Variants in KATNBL1 observed in about 807,000 individuals in gnomAD.
KATNBL1 encodes the protein katanin regulatory subunit B1 like 1, also known as KATNB1-like protein 1.
Under a neutral mutation model 44.7 loss-of-function variants are expected in KATNBL1, and 28 were observed. That is an observed-to-expected ratio of 0.63 (90% CI 0.46 to 0.86). KATNBL1 has a LOEUF of 0.86. Ranked by LOEUF, KATNBL1 falls within the 40% of genes least tolerant of loss-of-function variation. The pLI is 0.00. For synonymous variants in KATNBL1, 78 were observed against 114.9 expected (o/e 0.68, Z 2.06); for missense variants, 272 against 350.7 (o/e 0.78, Z 1.79).
At chr15:34,156,702 G>C (rs1164842647) in intron 2 of KATNBL1, among the ~76,000 whole-genome samples, 1 of 152,150 alleles carries the variant, frequency 6.6e-6, no homozygotes, top group Non-Finnish European at 1.5e-5. Flanking sequence ...GATAGGGTCT[G>C]CTCCTGAAAC....
intron 1 of KATNBL1, among the ~76,000 whole-genome samples, chr15:34,191,005 G>A (rs1889855665): frequency 1.3e-5 from 2 of 151,748 alleles, no homozygotes; most frequent in Admixed American, 1.3e-4. Flanking sequence ...AGACACTTCA[G>A]GACTATATCA....
intron 1 of KATNBL1, among the ~76,000 whole-genome samples, chr15:34,195,114 T>C (rs1889994560): frequency 2.0e-5 from 3 of 151,962 alleles, no homozygotes; most frequent in Non-Finnish European, 4.4e-5. Context: ...CAAAGGAAAA[T>C]AAATCATTAT....
chr15:34,148,564 G>C lies in KATNBL1; in HGVS notation c.557+68C>G, dbSNP rs902574728. 3 of 917,994 alleles carry C rather than the reference G, an allele frequency of 3.3e-6. No individual in the cohort carries two copies. In the African/African-American group the frequency reaches 4.9e-5, roughly 15 times the overall value. 56.9% of individuals were successfully genotyped at this position (917,994 alleles called of 1,614,324 possible). On this transcript the variant is annotated intron_variant, in intron 5 of 9. Transcript: ENST00000256544. ...GATTGTGCCACTGTACTCCAACTTG[G>C]ATGACAAAGCAAGAACTTGTCTCAG... is the stretch of plus-strand genomic sequence containing the variant.
intron 1 of KATNBL1, among the ~76,000 whole-genome samples, chr15:34,203,209 A>G (rs1406062254): frequency 1.3e-5 from 2 of 152,004 alleles, no homozygotes; most frequent in African/African-American, 2.4e-5. Context: ...CCTCCTTCCA[A>G]TTTCTCAAGC....
intron 1 of KATNBL1, among the ~76,000 whole-genome samples, chr15:34,175,576 G>T (rs1285768924): frequency 3.9e-5 from 6 of 152,106 alleles, no homozygotes; most frequent in Non-Finnish European, 8.8e-5. Flanking sequence ...GACACCATTA[G>T]TCATTATAAA....
intron 1 of KATNBL1, among the ~76,000 whole-genome samples, chr15:34,208,244 C>G (rs1890344914): frequency 6.6e-6 from 1 of 152,112 alleles, no homozygotes; most frequent in Non-Finnish European, 1.5e-5. Flanking sequence ...ATCCTTCATC[C>G]CCCTCCCACT....
At chr15:34,203,431 T>C (rs1028094077) in intron 1 of KATNBL1, among the ~76,000 whole-genome samples, 1 of 152,178 alleles carries the variant, frequency 6.6e-6, no homozygotes, top group African/African-American at 2.4e-5. Flanking sequence ...CATTTCAAAC[T>C]TATTTCCATT....
chr15:34,141,659 T>G lies in KATNBL1; in HGVS notation c.*680A>C, dbSNP rs1236904684. ...GTTTTAAAAATGGTGCAGAGAGTGTTTCAAGAACACTCTACAAGAATGTAA... is the reference window on the plus strand; with the variant it reads ...GTTTTAAAAATGGTGCAGAGAGTGTGTCAAGAACACTCTACAAGAATGTAA... On this transcript the variant is annotated 3_prime_UTR_variant, in exon 10 of 10. Transcript: ENST00000256544. 6.6e-6 allele frequency: 1 copy of G among 152,566 alleles called. No individual in the cohort carries two copies. The highest frequency in any genetic ancestry group is 1.5e-5 in the Non-Finnish European group (1 of 67,984). The allele number at this position is 152,566 out of a possible 1,614,324, so 9.5% of individuals were successfully genotyped here. A position where few individuals can be genotyped will look rare whatever the true frequency, so the allele number is the denominator to read the frequency against.
At chr15:34,178,809 T>A (rs1293415133) in intron 1 of KATNBL1, among the ~76,000 whole-genome samples, 3 of 146,404 alleles carry the variant, frequency 2.0e-5, no homozygotes, top group Non-Finnish European at 3.0e-5. Flanking sequence ...GAAGAGAAGG[T>A]AAACATGAGA....
In KATNBL1 at chr15:34,147,260, A is replaced by G. The variant is rs1597423576; in HGVS notation, c.638T>C (p.Leu213Pro). The change falls in exon 7 of 10, where the codon CTT becomes CCT. Residue 213 changes from leucine (L) to proline (P), a missense_variant. Leu to Pro is a moderately conservative substitution (Grantham distance 98). Coordinates refer to ENST00000256544, the MANE Select transcript of KATNBL1 (RefSeq NM_024713.3). ...CLQEEKQYIS[L>P]GCCVDLLPLV... ...AGGCAACAAGTCAACACAGCAGCCA[A>G]GTGAGATATATTGTTTTTCTTCCTG... The G allele has an allele frequency of 3.7e-6, 6 of 1,613,078 alleles. No individual in the cohort carries two copies. Among genetic ancestry groups the G allele is most frequent in the Middle Eastern group, 1.7e-4 (1 of 5,834 alleles).
chr15:34,172,754 GACACAGAC>G (rs1889205618), intron 1 of KATNBL1, among the ~76,000 whole-genome samples: 2 of 81,626 alleles, frequency 2.5e-5, no homozygotes, highest in Non-Finnish European at 2.4e-5. Flanking sequence ...TAGACACACA[GACACAGAC>G]ACACACACAC....
At chr15:34,162,944 G>C (rs1567523092) in intron 2 of KATNBL1, among the ~76,000 whole-genome samples, 1 of 151,630 alleles carries the variant, frequency 6.6e-6, no homozygotes, top group Non-Finnish European at 1.5e-5. Context: ...GTATACCAGT[G>C]CTAATGAACC....
chr15:34,182,051 TA>T (rs1889583814), intron 1 of KATNBL1, among the ~76,000 whole-genome samples: 1 of 151,572 alleles, frequency 6.6e-6, no homozygotes, highest in South Asian at 2.1e-4. Context: ...AATAAAGGCA[TA>T]AAAAGATTAA....
rs369345641 is a variant in KATNBL1, at chr15:34,180,045, A to G, written c.-14-16355T>C. Among the ~76,000 whole-genome samples, 3 of 152,040 alleles carry G rather than the reference A, an allele frequency of 2.0e-5. No individual in the cohort carries two copies. In the East Asian group the frequency reaches 5.8e-4, roughly 29 times the overall value. ...TAATTTTCTCAGTTCTTGCTTTCTC[A>G]CCTCAATTTGGACTTTGCTCCCACA... On this transcript the variant is annotated intron_variant, in intron 1 of 9. Transcript: ENST00000256544.
chr15:34,165,672 G>A (rs1888946030), intron 1 of KATNBL1, among the ~76,000 whole-genome samples: 1 of 152,102 alleles, frequency 6.6e-6, no homozygotes, highest in Non-Finnish European at 1.5e-5. Context: ...GGTGGGACCT[G>A]TAATCCCAGC....
chr15:34,154,527 CTGTT>C (rs1277029161), intron 3 of KATNBL1, 113 bp downstream of exon 3: 23 of 715,440 alleles, frequency 3.2e-5, no homozygotes, highest in Non-Finnish European at 5.0e-6. Context: ...CATAAAGAAG[CTGTT>C]TGACAATAAG....
intron 5 of KATNBL1, 105 bp downstream of exon 5, chr15:34,148,527 G>T: frequency 1.5e-6 from 1 of 651,574 alleles, no homozygotes; most frequent in Non-Finnish European, 2.8e-6. Context: ...GGTTGAGGCT[G>T]CAGTGAGCCA....
chr15:34,170,021 A>T (rs1364881486), intron 1 of KATNBL1, among the ~76,000 whole-genome samples: 1 of 152,196 alleles, frequency 6.6e-6, no homozygotes, highest in Non-Finnish European at 1.5e-5. Flanking sequence ...CCCTTTGAAA[A>T]CTGGCACAAG....
intron 1 of KATNBL1, among the ~76,000 whole-genome samples, chr15:34,205,620 T>C (rs776970653): frequency 6.6e-6 from 1 of 152,184 alleles, no homozygotes; most frequent in Non-Finnish European, 1.5e-5. Context: ...TATTTTTACA[T>C]TGTAGGAATG....
Sources: allele counts gnomAD v4.1 joint callset (sites outside exome capture counted in the v4.1 genomes callset), GRCh38; gene constraint gnomAD v4.1.1; transcripts MANE v1.5; gene names NCBI Gene and HGNC (gene_info 2026-07-23, HGNC 2026-07-21).